SH3GL2: variants seen among roughly 807,000 people sequenced by gnomAD.
SH3GL2 encodes endophilin-A1.
Under a neutral mutation model 46.0 loss-of-function variants are expected in SH3GL2, and 24 were observed. The observed-to-expected ratio is 0.52, with a 90% CI of 0.38 to 0.73. The LOEUF (loss-of-function observed/expected upper bound fraction) is 0.73, where lower values mean the gene tolerates loss of function less well. SH3GL2 is among the 30% of genes least tolerant of loss of function. The pLI is 0.00. For missense variants in SH3GL2, 413 were observed against 424.2 expected, an observed-to-expected ratio of 0.97 and a Z score of 0.23; for synonymous variants, 196 against 147.1, an observed-to-expected ratio of 1.33 and a Z score of -2.40.
At chr9:17,694,845 G>T (rs773756814) in intron 1 of SH3GL2, among the ~76,000 whole-genome samples, 1 of 152,124 alleles carries the variant, frequency 6.6e-6, no homozygotes, top group Admixed American at 6.5e-5. Context: ...CTTCACAAGT[G>T]GGGGCTTACA....
At chr9:17,770,742 A>G (rs544135392) in intron 3 of SH3GL2, among the ~76,000 whole-genome samples, 6 of 152,314 alleles carry the variant, frequency 3.9e-5, no homozygotes, top group African/African-American at 1.4e-4. Flanking sequence ...CAAGGAGAGG[A>G]CCACATGTCA....
At chr9:17,700,730 A>G (rs563684192) in intron 1 of SH3GL2, among the ~76,000 whole-genome samples, 1 of 152,306 alleles carries the variant, frequency 6.6e-6, no homozygotes, top group South Asian at 2.1e-4. Flanking sequence ...TGTCAGCAAT[A>G]ACGCCATATG....
rs1369428239 is a variant in SH3GL2, at chr9:17,787,421, T to G, written c.373T>G (p.Ser125Ala). Residue 125 changes from serine (S) to alanine (A), a missense_variant, in exon 5 of 9, where the codon TCG (serine) becomes GCG (alanine). This residue lies in a region of SH3GL2 where 160 missense variants were observed against 192.3 expected (regional missense o/e 0.83). Coordinates refer to ENST00000380607, the MANE Select transcript of SH3GL2 (RefSeq NM_003026.5). ...GEVGEAMREL[S>A]EVKDSLDIEV... The stretch of plus-strand genomic sequence containing the variant: ...GGTCGGGGAGGCCATGCGGGAACTG[T>G]CGGAGGTCAAAGACTCTTTGGACAT... 1.2e-6 allele frequency: 2 copies of G among 1,612,794 alleles called. No individual in the cohort carries two copies. Among genetic ancestry groups the G allele is most frequent in the Non-Finnish European group, 1.7e-6 (2 of 1,179,034 alleles).
intron 1 of SH3GL2, among the ~76,000 whole-genome samples, chr9:17,655,766 A>G (rs1011399059): frequency 2.6e-5 from 4 of 152,118 alleles, no homozygotes; most frequent in Non-Finnish European, 5.9e-5. Flanking sequence ...ACATTTGAAC[A>G]TGTCTGATCC....
rs535329807 is a variant in SH3GL2 at position 17,682,274 on chromosome 9, G to T, written c.46-64792G>T. Among the ~76,000 whole-genome samples the T allele has an allele frequency of 2.6e-5, 4 of 151,926 alleles. No homozygotes were observed. In the East Asian group the frequency reaches 7.7e-4, roughly 29 times the overall value. Reference sequence around the variant, plus strand: ...ACACATGCATGCATATGTTTTTTGCGTATTATTTTCAATAGCAAAGTCATG... The same window carrying T: ...ACACATGCATGCATATGTTTTTTGCTTATTATTTTCAATAGCAAAGTCATG... On this transcript the variant is annotated intron_variant, in intron 1 of 8. Transcript: ENST00000380607.
chr9:17,604,309 T>G (rs1434952990), intron 1 of SH3GL2, among the ~76,000 whole-genome samples: 3 of 152,240 alleles, frequency 2.0e-5, no homozygotes, highest in African/African-American at 7.2e-5. Flanking sequence ...GACCGTTAAC[T>G]TTTCTAAACC....
intron 3 of SH3GL2, 125 bp from the exon 4 acceptor site, chr9:17,786,256 T>G: frequency 1.2e-6 from 1 of 803,198 alleles, no homozygotes; most frequent in Non-Finnish European, 2.0e-6. Flanking sequence ...TGGAGCGTAC[T>G]GAAGGTACAC....
intron 1 of SH3GL2, among the ~76,000 whole-genome samples, chr9:17,600,476 G>A (rs562107095): frequency 1.2e-4 from 18 of 152,178 alleles, no homozygotes; most frequent in Non-Finnish European, 2.5e-4. Context: ...TTCTCAGTTA[G>A]ATCTTCAGAG....
intron 3 of SH3GL2, among the ~76,000 whole-genome samples, chr9:17,777,487 G>A (rs9407863): frequency 0.12 from 17,641 of 152,098 alleles, 1,141 homozygotes; most frequent in Admixed American, 0.15. Context: ...CGGAACCTCA[G>A]AATTTGATCT....
chr9:17,640,498 A>G (rs1819652802), intron 1 of SH3GL2, among the ~76,000 whole-genome samples: 1 of 152,208 alleles, frequency 6.6e-6, no homozygotes, highest in Non-Finnish European at 1.5e-5. Context: ...TCATAATATT[A>G]AAGAAAACCA....
chr9:17,681,528 C>G (rs141996514), intron 1 of SH3GL2, among the ~76,000 whole-genome samples: 122 of 152,214 alleles, frequency 8.0e-4, no homozygotes, highest in African/African-American at 2.8e-3. Context: ...GGACCCCTTC[C>G]TTACACCTTA....
In SH3GL2 at chr9:17,707,206, G is replaced by A. The variant is rs1297816908; in HGVS notation, c.46-39860G>A. On this transcript the variant is annotated intron_variant, in intron 1 of 8. Coordinates refer to ENST00000380607, the MANE Select transcript of SH3GL2 (RefSeq NM_003026.5). The stretch of plus-strand genomic sequence containing the variant: ...TGACTCTCTGATTCTCCATTTCCTT[G>A]TTGTGGTCTCATTAGAGAATTAAAT... Among the ~76,000 whole-genome samples the A allele has an allele frequency of 2.0e-5, 3 of 151,962 alleles. No homozygotes were observed. In the East Asian group the frequency reaches 5.8e-4, roughly 29 times the overall value.
intron 3 of SH3GL2, among the ~76,000 whole-genome samples, chr9:17,773,360 G>A (rs891474231): frequency 6.6e-6 from 1 of 151,994 alleles, no homozygotes; most frequent in East Asian, 1.9e-4. Flanking sequence ...TATGCCTTTG[G>A]TATCATATCC....
At chr9:17,768,734 C>A (rs1475655487) in intron 3 of SH3GL2, among the ~76,000 whole-genome samples, 1 of 152,194 alleles carries the variant, frequency 6.6e-6, no homozygotes, top group African/African-American at 2.4e-5. Context: ...TTCTCACCAT[C>A]CCTCCTGTCT....
At chr9:17,736,684 C>T (rs984694466) in intron 1 of SH3GL2, among the ~76,000 whole-genome samples, 2 of 152,132 alleles carry the variant, frequency 1.3e-5, no homozygotes, top group Non-Finnish European at 1.5e-5. Flanking sequence ...CTCTCAAATA[C>T]ATTCAGATAT....
At chr9:17,727,397 ACT>A (rs1273844460) in intron 1 of SH3GL2, among the ~76,000 whole-genome samples, 1 of 152,104 alleles carries the variant, frequency 6.6e-6, no homozygotes, top group Non-Finnish European at 1.5e-5. Flanking sequence ...TGTTACATAG[ACT>A]CCACCTGACC....
At chr9:17,659,799 A>G (rs963085492) in intron 1 of SH3GL2, among the ~76,000 whole-genome samples, 1 of 152,208 alleles carries the variant, frequency 6.6e-6, no homozygotes, top group African/African-American at 2.4e-5. Flanking sequence ...AAGTTAGGAA[A>G]TATCTTCTAG....
intron 1 of SH3GL2, among the ~76,000 whole-genome samples, chr9:17,631,903 A>G (rs1019770485): frequency 1.3e-5 from 2 of 152,184 alleles, no homozygotes; most frequent in Admixed American, 1.3e-4. Flanking sequence ...AAAAATGTCA[A>G]TACTTTGTTA....
intron 1 of SH3GL2, among the ~76,000 whole-genome samples, chr9:17,680,166 C>G (rs1448471293): frequency 6.6e-6 from 1 of 152,152 alleles, no homozygotes; most frequent in Non-Finnish European, 1.5e-5. Context: ...GGAGGATTCC[C>G]TCTTTTTCTA....
Sources: gnomAD v4.1 joint callset for allele counts (sites outside exome capture counted in the v4.1 genomes callset) on GRCh38, gnomAD v4.1.1 for gene constraint, gnomAD v4.1.1 regional missense constraint, MANE v1.5 for transcripts, NCBI Gene and HGNC (gene_info 2026-07-23, HGNC 2026-07-21) for gene names.